Variants in CCDC90B observed in about 807,000 individuals in gnomAD.
CCDC90B encodes coiled-coil domain-containing protein 90B, mitochondrial.
In CCDC90B, 24 loss-of-function variants were observed where a neutral mutation model predicts 37.0. The ratio of observed to expected loss-of-function variants is 0.65; its 90% confidence interval spans 0.47 to 0.91. The LOEUF (loss-of-function observed/expected upper bound fraction) is 0.91. Ranked by LOEUF, CCDC90B falls within the 40% of genes least tolerant of loss-of-function variation. The probability of loss-of-function intolerance (pLI) is 0.00; values close to 1 mark genes in which losing one functional copy is unlikely to be tolerated. For synonymous variants in CCDC90B, 113 were observed against 101.1 expected (o/e 1.12, Z -0.71); for missense variants, 319 against 299.0 (o/e 1.07, Z -0.49).
chr11:83,284,500 G>A (rs1591067588), intron 1 of CCDC90B, among the ~76,000 whole-genome samples: 1 of 152,294 alleles, frequency 6.6e-6, no homozygotes, highest in African/African-American at 2.4e-5. Flanking sequence ...GTCTACTAAC[G>A]TGCTACACTA....
intron 8 of CCDC90B, 139 bp from the exon 9 acceptor site, chr11:83,262,105 A>T: frequency 1.8e-6 from 1 of 566,022 alleles, no homozygotes; most frequent in Non-Finnish European, 3.1e-6. Flanking sequence ...TTTATTCCCT[A>T]GACAATTAAG....
intron 1 of CCDC90B, 75 bp downstream of exon 1, chr11:83,285,798 C>A: frequency 1.3e-6 from 2 of 1,519,798 alleles, no homozygotes; most frequent in Non-Finnish European, 1.8e-6. Flanking sequence ...CCCGTTCGCT[C>A]GAGCAGGCGC....
chr11:83,271,741 T>A (rs1258445210), intron 7 of CCDC90B, among the ~76,000 whole-genome samples: 1 of 152,196 alleles, frequency 6.6e-6, no homozygotes, highest in Non-Finnish European at 1.5e-5. Flanking sequence ...GAATTACTAT[T>A]TGACCCAGCA....
intron 4 of CCDC90B, 56 bp downstream of exon 4, chr11:83,274,583 G>A (rs1489289076): frequency 2.3e-5 from 23 of 991,096 alleles, no homozygotes; most frequent in African/African-American, 3.3e-5. Context: ...TCCTTAAGTA[G>A]GATGCTTATT....
intron 1 of CCDC90B, among the ~76,000 whole-genome samples, chr11:83,282,211 A>G (rs145332589): frequency 2.0e-5 from 3 of 152,252 alleles, no homozygotes; most frequent in Admixed American, 6.5e-5. Flanking sequence ...CTTGTGATCA[A>G]TGGCTAACTG....
At position 83,273,994 on chromosome 11, in the gene CCDC90B, T is replaced by C. The variant is rs547351855; in HGVS notation, c.427-2A>G. The C allele has an allele frequency of 1.3e-5, 21 of 1,565,998 alleles. No individual in the cohort carries two copies. In the South Asian group the frequency reaches 2.4e-4, roughly 18 times the overall value. ...TTGGTCTAATTCAATTTTCATTTTCTAGGTACAGGAAAGATCACATGCAAT... is the reference window on the plus strand; with the variant it reads ...TTGGTCTAATTCAATTTTCATTTTCCAGGTACAGGAAAGATCACATGCAAT... On this transcript the variant is annotated splice_acceptor_variant, in intron 4 of 8. Coordinates refer to ENST00000529689, the MANE Select transcript of CCDC90B (RefSeq NM_021825.5). LOFTEE classifies it high-confidence loss of function.
At chr11:83,262,263 A>T (rs111804832) in intron 8 of CCDC90B, among the ~76,000 whole-genome samples, 304 of 152,278 alleles carry the variant, frequency 2.0e-3, no homozygotes, top group African/African-American at 7.0e-3. Flanking sequence ...AAATAATTAT[A>T]AGCTCTAATT....
In CCDC90B at chr11:83,261,855, C is replaced by T; in HGVS notation, c.*56G>A. ...GCAACTGACAATGTTCAAAGTAAAT[C>T]TCTCCCGGTTTGGTGTTCTAAGAAG... is the stretch of plus-strand genomic sequence containing the variant. On this transcript the variant is annotated 3_prime_UTR_variant, in exon 9 of 9. Coordinates refer to ENST00000529689, the MANE Select transcript of CCDC90B (RefSeq NM_021825.5). 3 of 1,278,386 alleles carry T rather than the reference C, an allele frequency of 2.3e-6. No homozygotes were observed. Among genetic ancestry groups the T allele is most frequent in the Non-Finnish European group, 3.3e-6 (3 of 897,036 alleles). 79.2% of individuals were successfully genotyped at this position (1,278,386 alleles called of 1,614,324 possible). A position where few individuals can be genotyped will look rare whatever the true frequency, so the allele number is the denominator to read the frequency against.
Position 83,261,808 on chromosome 11 carries a change from T to C in CCDC90B, c.*103A>G, listed in dbSNP as rs563319955. ...TTTAGTCCGTATACACTTCGAATAA[T>C]CTTGTGTAGTAAATTTTTGCTGCAA... On this transcript the variant is annotated 3_prime_UTR_variant, in exon 9 of 9. Transcript: ENST00000529689. The C allele has an allele frequency of 1.4e-5, 11 of 762,578 alleles. No individual in the cohort carries two copies. The highest frequency in any genetic ancestry group is 1.4e-4 in the African/African-American group (8 of 56,194). 47.2% of individuals were successfully genotyped at this position (762,578 alleles called of 1,614,324 possible).
Position 83,268,755 on chromosome 11 carries a change from G to C in CCDC90B, c.595-2776C>G, listed in dbSNP as rs1864454393. On this transcript the variant is annotated intron_variant, in intron 7 of 8. Coordinates refer to ENST00000529689, the MANE Select transcript of CCDC90B (RefSeq NM_021825.5). The stretch of plus-strand genomic sequence containing the variant: ...CTTGAACTCAGCTCTGCAACAAGCA[G>C]ACTTAATAGACATCTACAGAACTCT... Among the ~76,000 whole-genome samples the C allele has an allele frequency of 2.6e-5, 4 of 152,184 alleles. No individual in the cohort carries two copies. The South Asian group carries it at 6.2e-4, about 24-fold the overall frequency.
At chr11:83,284,423 T>C (rs561166122) in intron 1 of CCDC90B, among the ~76,000 whole-genome samples, 2 of 152,242 alleles carry the variant, frequency 1.3e-5, no homozygotes, top group South Asian at 2.1e-4. Context: ...CTTCAGTGTA[T>C]AGCCAGTTAC....
chr11:83,267,160 C>A (rs1240262285), intron 7 of CCDC90B: 1 of 152,192 alleles, frequency 6.6e-6, no homozygotes, highest in South Asian at 2.1e-4. Context: ...GGGGAAAAAC[C>A]AGAGCAGAAA....
At chr11:83,277,391 A>AC (rs749769366) in intron 3 of CCDC90B, among the ~76,000 whole-genome samples, 21 of 152,334 alleles carry the variant, frequency 1.4e-4, no homozygotes, top group Admixed American at 2.6e-4. Flanking sequence ...GTACAAACTT[A>AC]AAGGTAAGTT....
intron 6 of CCDC90B, 32 bp from the exon 7 acceptor site, chr11:83,273,732 A>C: frequency 6.2e-7 from 1 of 1,602,040 alleles, no homozygotes; most frequent in South Asian, 1.1e-5. Flanking sequence ...GAAGTTAAAA[A>C]AAAAGTCTAA....
chr11:83,284,740 A>G (rs1865580239), intron 1 of CCDC90B, among the ~76,000 whole-genome samples: 1 of 152,240 alleles, frequency 6.6e-6, no homozygotes. Context: ...ATTAACATGT[A>G]CTTATGGTCA....
chr11:83,260,541 G>C lies in CCDC90B; in HGVS notation c.*1370C>G, dbSNP rs1362147564. On this transcript the variant is annotated 3_prime_UTR_variant, in exon 9 of 9. Transcript: ENST00000529689. ...TTTTTGAGGAAAATATAGTTGGAAA[G>C]CCTGACTCTCACTCACTGGACCATA... The C allele has an allele frequency of 6.6e-6, 1 of 152,142 alleles. No individual in the cohort carries two copies. Among genetic ancestry groups the C allele is most frequent in the Non-Finnish European group, 1.5e-5 (1 of 68,024 alleles). The allele number at this position is 152,142 out of a possible 1,614,324, so 9.4% of individuals were successfully genotyped here. A position where few individuals can be genotyped will look rare whatever the true frequency, so the allele number is the denominator to read the frequency against.
intron 3 of CCDC90B, among the ~76,000 whole-genome samples, chr11:83,275,868 A>T (rs991161616): frequency 3.3e-5 from 5 of 152,134 alleles, no homozygotes; most frequent in Non-Finnish European, 5.9e-5. Context: ...CAACTTAAAG[A>T]GTTGTTTTGA....
chr11:83,270,374 G>T (rs1353511506), intron 7 of CCDC90B, among the ~76,000 whole-genome samples: 2 of 152,194 alleles, frequency 1.3e-5, no homozygotes, highest in Non-Finnish European at 2.9e-5. Context: ...CCTGTTTGCA[G>T]ATGACATGAT....
chr11:83,285,770 G>A (rs1865647804), intron 1 of CCDC90B, 103 bp downstream of exon 1: 2 of 1,483,560 alleles, frequency 1.3e-6, no homozygotes, highest in Non-Finnish European at 1.8e-6. Context: ...CCGGGAGGAG[G>A]GCGTGGCACC....
Sources: gnomAD v4.1 joint callset for allele counts (sites outside exome capture counted in the v4.1 genomes callset) on GRCh38, gnomAD v4.1.1 for gene constraint, MANE v1.5 for transcripts, NCBI Gene and HGNC (gene_info 2026-07-23, HGNC 2026-07-21) for gene names.